Variants in APBB2 observed in about 807,000 individuals in gnomAD.
The protein encoded by APBB2 is Fe65-like 1.
In APBB2, 38 loss-of-function variants were observed where a neutral mutation model predicts 82.5. The observed-to-expected ratio is 0.46, with a 90% confidence interval of 0.36 to 0.60. The LOEUF (loss-of-function observed/expected upper bound fraction) is 0.60. APBB2 is among the 20% of genes least tolerant of loss of function. APBB2 has a pLI of 0.00. For missense variants in APBB2, 772 were observed against 972.3 expected (o/e 0.79, Z 2.74); for synonymous variants, 341 against 368.2 (o/e 0.93, Z 0.85).
intron 1 of APBB2, among the ~76,000 whole-genome samples, chr4:41,183,889 A>G (rs1772142882): frequency 6.6e-6 from 1 of 152,140 alleles, no homozygotes; most frequent in African/African-American, 2.4e-5. Flanking sequence ...GTTATTGTGC[A>G]CTTTATTTCT....
At chr4:40,817,560 C>G (rs896497756) in intron 17 of APBB2, among the ~76,000 whole-genome samples, 5 of 152,072 alleles carry the variant, frequency 3.3e-5, no homozygotes, top group Non-Finnish European at 5.9e-5. Flanking sequence ...GGGCAGACTT[C>G]TCCTATGCGT....
intron 2 of APBB2, among the ~76,000 whole-genome samples, chr4:41,142,071 G>T (rs1395406849): frequency 2.0e-5 from 3 of 152,154 alleles, no homozygotes; most frequent in Non-Finnish European, 4.4e-5. Flanking sequence ...GAAAAATCTG[G>T]ATGATTTATT....
chr4:41,054,793 C>T (rs757618297), intron 4 of APBB2, among the ~76,000 whole-genome samples: 2 of 152,064 alleles, frequency 1.3e-5, no homozygotes, highest in African/African-American at 4.8e-5. Flanking sequence ...TGAGGTGCAG[C>T]TCGCTATTCC....
At chr4:40,994,160 G>A (rs1158655780) in intron 6 of APBB2, among the ~76,000 whole-genome samples, 10 of 152,004 alleles carry the variant, frequency 6.6e-5, no homozygotes, top group African/African-American at 2.2e-4. Flanking sequence ...GGTAGCGGGC[G>A]CCTGTAGTCC....
At chr4:41,134,866 C>T (rs193189039) in intron 2 of APBB2, among the ~76,000 whole-genome samples, 89 of 152,310 alleles carry the variant, frequency 5.8e-4, no homozygotes, top group African/African-American at 2.1e-3. Context: ...CACAGCTGCC[C>T]TCCTTACAGG....
At chr4:40,874,470 G>C (rs911149882) in intron 12 of APBB2, among the ~76,000 whole-genome samples, 1 of 151,300 alleles carries the variant, frequency 6.6e-6, no homozygotes, top group Non-Finnish European at 1.5e-5. Context: ...AGTGCTGTTC[G>C]TAAGAACACA....
chr4:41,146,698 G>A (rs1359483999), intron 1 of APBB2, among the ~76,000 whole-genome samples: 1 of 152,102 alleles, frequency 6.6e-6, no homozygotes, highest in Admixed American at 6.5e-5. Flanking sequence ...AGAAACCCAG[G>A]AGTCTCACAA....
intron 10 of APBB2, among the ~76,000 whole-genome samples, chr4:40,920,328 T>C (rs980438771): frequency 1.1e-4 from 16 of 152,348 alleles, no homozygotes; most frequent in African/African-American, 3.8e-4. Flanking sequence ...TGTGGAACAG[T>C]GAGTCCATTA....
intron 3 of APBB2, among the ~76,000 whole-genome samples, chr4:41,092,950 C>T (rs947930433): frequency 2.0e-5 from 3 of 152,132 alleles, no homozygotes; most frequent in African/African-American, 7.2e-5. Flanking sequence ...ATAAAGAGCT[C>T]CCCTGTGTTC....
intron 12 of APBB2, among the ~76,000 whole-genome samples, chr4:40,848,697 T>G (rs2154321612): frequency 6.6e-6 from 1 of 152,026 alleles, no homozygotes; most frequent in East Asian, 1.9e-4. Flanking sequence ...TGCTTACAAT[T>G]CCCAACCCCC....
At chr4:41,086,945 CACACAA>C (rs1350491244) in intron 3 of APBB2, among the ~76,000 whole-genome samples, 12 of 3,762 alleles carry the variant, frequency 3.2e-3, no homozygotes, top group South Asian at 0.023. Flanking sequence ...CACACACACA[CACACAA>C]AAAACCTGTC....
intron 3 of APBB2, among the ~76,000 whole-genome samples, chr4:41,089,776 T>TA (rs1293580559): frequency 6.6e-6 from 1 of 152,202 alleles, no homozygotes; most frequent in Non-Finnish European, 1.5e-5. Context: ...CTTTAAGAGA[T>TA]AATACTGCAG....
chr4:40,913,212 G>T (rs557309967), intron 10 of APBB2, among the ~76,000 whole-genome samples: 1 of 152,318 alleles, frequency 6.6e-6, no homozygotes, highest in African/African-American at 2.4e-5. Flanking sequence ...CAGTCTGGGG[G>T]GTCAGAGCTG....
At chr4:41,099,075 T>C (rs1469066155) in intron 3 of APBB2, among the ~76,000 whole-genome samples, 3 of 152,194 alleles carry the variant, frequency 2.0e-5, no homozygotes, top group Non-Finnish European at 4.4e-5. Context: ...AATATTTCAC[T>C]GTAACAAAAA....
chr4:41,049,132 A>G (rs6828195), intron 4 of APBB2, among the ~76,000 whole-genome samples: 107,010 of 147,134 alleles, frequency 0.73, 38,776 homozygotes, highest in Non-Finnish European at 0.75. Context: ...CCATCGTCTG[A>G]GATGTGAGGA....
At chr4:41,096,325 T>C (rs1743440928) in intron 3 of APBB2, among the ~76,000 whole-genome samples, 2 of 152,206 alleles carry the variant, frequency 1.3e-5, no homozygotes, top group Admixed American at 1.3e-4. Flanking sequence ...GCAAGTTACT[T>C]TTCCCCCGAG....
intron 1 of APBB2, among the ~76,000 whole-genome samples, chr4:41,170,880 A>C (rs181821533): frequency 7.9e-5 from 12 of 152,346 alleles, no homozygotes; most frequent in Admixed American, 4.6e-4. Context: ...TTTCAAAATG[A>C]AAAATTGAAA....
chr4:40,893,842 T>G (rs926090537), intron 10 of APBB2, among the ~76,000 whole-genome samples: 1 of 151,704 alleles, frequency 6.6e-6, no homozygotes, highest in Non-Finnish European at 1.5e-5. Context: ...GGCACGGTGG[T>G]GGGTGCCTGC....
At chr4:41,118,526 G>T (rs1278660903) in intron 2 of APBB2, among the ~76,000 whole-genome samples, 1 of 152,082 alleles carries the variant, frequency 6.6e-6, no homozygotes, top group Non-Finnish European at 1.5e-5. Flanking sequence ...TTATCAAATG[G>T]CATCTATTAA....
Sources: gnomAD v4.1 joint callset for allele counts (sites outside exome capture counted in the v4.1 genomes callset) on GRCh38, gnomAD v4.1.1 for gene constraint, MANE v1.5 for transcripts, NCBI Gene and HGNC (gene_info 2026-07-23, HGNC 2026-07-21) for gene names.